HDGFL3: variants seen among roughly 807,000 people sequenced by gnomAD.
The protein encoded by HDGFL3 is hepatoma-derived growth factor-related protein 3.
A neutral mutation model predicts 27.6 loss-of-function variants in HDGFL3; 6 were observed. That is an observed-to-expected ratio of 0.22 (90% CI 0.12 to 0.43). The LOEUF is 0.43. Ranked by LOEUF, HDGFL3 falls within the 20% of genes least tolerant of loss-of-function variation. HDGFL3 has a pLI of 1.00. For synonymous variants in HDGFL3, 88 were observed against 88.9 expected, an observed-to-expected ratio of 0.99 and a Z score of 0.05; for missense variants, 207 against 250.1, an observed-to-expected ratio of 0.83 and a Z score of 1.16.
intron 5 of HDGFL3, among the ~76,000 whole-genome samples, chr15:83,140,825 G>C (rs554709835): frequency 1.4e-4 from 22 of 152,180 alleles, no homozygotes; most frequent in African/African-American, 5.1e-4. Flanking sequence ...ACTGTGAAAG[G>C]CAATAAATTC....
At chr15:83,189,880 C>G (rs1011266100) in intron 1 of HDGFL3, among the ~76,000 whole-genome samples, 2 of 152,106 alleles carry the variant, frequency 1.3e-5, no homozygotes, top group African/African-American at 4.8e-5. Context: ...TTTAATGCGG[C>G]ATAATATCCT....
chr15:83,116,268 T>C (rs951420007), intron 3 of HDGFL3, among the ~76,000 whole-genome samples: 1 of 152,234 alleles, frequency 6.6e-6, no homozygotes, highest in Non-Finnish European at 1.5e-5. Flanking sequence ...TGTTAATACA[T>C]GACTATCTCA....
chr15:83,167,418 C>A (rs755484428), intron 1 of HDGFL3, among the ~76,000 whole-genome samples: 68 of 151,976 alleles, frequency 4.5e-4, no homozygotes, highest in African/African-American at 1.6e-3. Context: ...ATTAGCTGGG[C>A]GTGGTGGCGG....
At chr15:83,165,389 G>A (rs8041838) in intron 1 of HDGFL3, among the ~76,000 whole-genome samples, 2,091 of 152,220 alleles carry the variant, frequency 0.014, 58 homozygotes, top group African/African-American at 0.048. Context: ...GCAAATGAAT[G>A]GTAGTTTAGA....
chr15:83,160,855 G>A (rs766306548), intron 2 of HDGFL3, among the ~76,000 whole-genome samples: 2 of 152,126 alleles, frequency 1.3e-5, no homozygotes, highest in African/African-American at 4.8e-5. Context: ...TCCTGGGTAA[G>A]CTTTCTGACC....
At chr15:83,115,805 T>C in intron 3 of HDGFL3, 8 of 1,346,644 alleles carry the variant, frequency 5.9e-6, no homozygotes, top group Non-Finnish European at 8.5e-6. Context: ...AATTGTCTCC[T>C]GAGCTATTGC....
chr15:83,169,561 G>A (rs1271637937), intron 1 of HDGFL3, among the ~76,000 whole-genome samples: 1 of 152,030 alleles, frequency 6.6e-6, no homozygotes, highest in Admixed American at 6.6e-5. Context: ...CAGCACTTTG[G>A]GAGGCCGAGG....
At chr15:83,193,504 A>G (rs1215784316) in intron 1 of HDGFL3, among the ~76,000 whole-genome samples, 1 of 152,242 alleles carries the variant, frequency 6.6e-6, no homozygotes, top group Non-Finnish European at 1.5e-5. Context: ...TGCAGTCCCT[A>G]TGGAAAACAG....
At position 83,129,111 on chromosome 15, in the gene HDGFL3, T is replaced by A. The variant is rs1401046253; in HGVS notation, c.*10159A>T. ...TCCCAAAGTGGTAGGATTACAGGTG[T>A]GAGCCACCACACCCAACCAGGTCCA... On this transcript the variant is annotated 3_prime_UTR_variant, in exon 6 of 6. Transcript: ENST00000299633. 6.6e-6 allele frequency: 1 copy of A among 152,244 alleles called. No homozygotes were observed. Among genetic ancestry groups the A allele is most frequent in the Non-Finnish European group, 1.5e-5 (1 of 68,070 alleles). The allele number at this position is 152,244 out of a possible 1,614,324, so 9.4% of individuals were successfully genotyped here.
chr15:83,182,944 T>C (rs760715042), intron 1 of HDGFL3, among the ~76,000 whole-genome samples: 14 of 152,208 alleles, frequency 9.2e-5, no homozygotes, highest in South Asian at 2.1e-4. Context: ...CTATAGAATG[T>C]AGGTCTTGGG....
At chr15:83,169,143 C>A (rs762305701) in intron 1 of HDGFL3, 10 of 409,522 alleles carry the variant, frequency 2.4e-5, no homozygotes, top group Non-Finnish European at 4.9e-5. Flanking sequence ...ATATGATAAA[C>A]CCACAGCCAA....
intron 5 of HDGFL3, among the ~76,000 whole-genome samples, chr15:83,143,590 A>T (rs541439241): frequency 3.2e-4 from 49 of 152,246 alleles, no homozygotes; most frequent in Middle Eastern, 3.4e-3. Flanking sequence ...TCAAACAAAC[A>T]AACTTTTAAT....
intron 1 of HDGFL3, among the ~76,000 whole-genome samples, chr15:83,188,050 T>C (rs2037467767): frequency 6.6e-6 from 1 of 152,196 alleles, no homozygotes; most frequent in Non-Finnish European, 1.5e-5. Flanking sequence ...TTAAAGGCTA[T>C]AATAATTTAC....
At position 83,207,226 on chromosome 15, in the gene HDGFL3, C is replaced by T; in HGVS notation, c.84+105G>A. ...CCTCAGCCCTCACCACAGCCGGCCGCGAGCTGCGGGCTCGGGGCTGAGGCG... is the reference window on the plus strand; with the variant it reads ...CCTCAGCCCTCACCACAGCCGGCCGTGAGCTGCGGGCTCGGGGCTGAGGCG... On this transcript the variant is annotated intron_variant, in intron 1 of 5. Coordinates refer to ENST00000299633, the MANE Select transcript of HDGFL3 (RefSeq NM_016073.4). The surrounding 1 kb of genome is among the most constrained non-coding windows in gnomAD (Gnocchi z 4.8). 1 of 785,338 alleles carries T rather than the reference C, an allele frequency of 1.3e-6. No homozygotes were observed. The highest frequency in any genetic ancestry group is 4.6e-5 in the South Asian group (1 of 21,534). The allele number at this position is 785,338 out of a possible 1,614,324, so 48.6% of individuals were successfully genotyped here. A position where few individuals can be genotyped will look rare whatever the true frequency, so the allele number is the denominator to read the frequency against.
chr15:83,140,790 T>C (rs2036754533), intron 5 of HDGFL3, among the ~76,000 whole-genome samples: 1 of 152,196 alleles, frequency 6.6e-6, no homozygotes, highest in African/African-American at 2.4e-5. Context: ...GCCGAAACCT[T>C]CTTTAACAAT....
At chr15:83,148,981 G>A (rs2036933242) in intron 5 of HDGFL3, among the ~76,000 whole-genome samples, 1 of 152,112 alleles carries the variant, frequency 6.6e-6, no homozygotes, top group Non-Finnish European at 1.5e-5. Flanking sequence ...CAAGTTAATT[G>A]TGATGTTCTA....
intron 3 of HDGFL3, among the ~76,000 whole-genome samples, chr15:83,122,325 G>A (rs558208806): frequency 9.9e-5 from 15 of 152,176 alleles, no homozygotes; most frequent in Admixed American, 9.2e-4. Flanking sequence ...GACACACTAT[G>A]AGAACTCCAA....
At position 83,207,208 on chromosome 15, in the gene HDGFL3, C is replaced by T; in HGVS notation, c.84+123G>A. On this transcript the variant is annotated intron_variant, in intron 1 of 5. Coordinates refer to ENST00000299633, the MANE Select transcript of HDGFL3 (RefSeq NM_016073.4). The surrounding 1 kb of genome is among the most constrained non-coding windows in gnomAD (Gnocchi z 4.8). ...TTCTTCGTGCCGCGCCGCCCTCAGCCCTCACCACAGCCGGCCGCGAGCTGC... is the reference window on the plus strand; with the variant it reads ...TTCTTCGTGCCGCGCCGCCCTCAGCTCTCACCACAGCCGGCCGCGAGCTGC... 4 of 605,524 alleles carry T rather than the reference C, an allele frequency of 6.6e-6. No homozygotes were observed. The highest frequency in any genetic ancestry group is 3.5e-5 in the East Asian group (1 of 28,516). 37.5% of individuals were successfully genotyped at this position (605,524 alleles called of 1,614,324 possible).
At position 83,139,177 on chromosome 15, in the gene HDGFL3, A is replaced by T; in HGVS notation, c.*93T>A. 1.3e-6 allele frequency: 1 copy of T among 751,898 alleles called. No homozygotes were observed. Among genetic ancestry groups the T allele is most frequent in the Non-Finnish European group, 2.0e-6 (1 of 504,732 alleles). The allele number at this position is 751,898 out of a possible 1,614,324, so 46.6% of individuals were successfully genotyped here. On this transcript the variant is annotated 3_prime_UTR_variant, in exon 6 of 6. Coordinates refer to ENST00000299633, the MANE Select transcript of HDGFL3 (RefSeq NM_016073.4). ...GGTTCTGTCAATGACAACAAGGACT[A>T]TGTGTTGGTTCATATCAAATCCAAG...
Sources: allele counts gnomAD v4.1 joint callset (sites outside exome capture counted in the v4.1 genomes callset), GRCh38; gene constraint gnomAD v4.1.1; non-coding constraint Gnocchi (gnomAD v3.1); transcripts MANE v1.5; gene names NCBI Gene and HGNC (gene_info 2026-07-23, HGNC 2026-07-21).